ATRX: variants seen among roughly 807,000 people sequenced by gnomAD.
ATRX encodes the protein chromatin remodeler ATRX.
In ATRX, 12 loss-of-function variants were observed where a neutral mutation model predicts 172.6. The observed-to-expected ratio is 0.07, with a 90% CI of 0.04 to 0.11. The LOEUF (loss-of-function observed/expected upper bound fraction) is 0.11, where lower values mean the gene tolerates loss of function less well. Ranked by LOEUF, ATRX falls within the 10% of genes least tolerant of loss-of-function variation. ATRX has a pLI of 1.00. For missense variants in ATRX, 1,368 were observed against 1,767.4 expected, an observed-to-expected ratio of 0.77 and a Z score of 4.05; for synonymous variants, 674 against 594.7, an observed-to-expected ratio of 1.13 and a Z score of -1.94.
chrX:77,722,958 G>A (rs2073850153), intron 1 of ATRX, among the ~76,000 whole-genome samples: 1 of 112,182 alleles, frequency 8.9e-6, no homozygotes, highest in Non-Finnish European at 1.9e-5. Context: ...ATCAGTGATA[G>A]ACTGGATAAA....
At chrX:77,775,555 G>A (rs2076317750) in intron 1 of ATRX, among the ~76,000 whole-genome samples, 1 of 110,447 alleles carries the variant, frequency 9.1e-6, no homozygotes, top group Non-Finnish European at 1.9e-5. Flanking sequence ...ATGGTGGCAT[G>A]CACCTATAGT....
intron 6 of ATRX, among the ~76,000 whole-genome samples, chrX:77,693,164 G>A (rs1453296634): frequency 9.0e-6 from 1 of 111,323 alleles, no homozygotes; most frequent in Non-Finnish European, 1.9e-5. Context: ...TGGTATTACA[G>A]GTGTGAGCCA....
intron 2 of ATRX, among the ~76,000 whole-genome samples, chrX:77,712,454 C>A (rs1009020440): frequency 1.8e-5 from 2 of 112,331 alleles, no homozygotes; most frequent in Non-Finnish European, 3.8e-5. Context: ...ACTATAGTTA[C>A]GTTTCTTTAA....
Position 77,542,968 on chromosome X carries a change from T to C in ATRX, c.6699+14483A>G, listed in dbSNP as rs782256781. Among the ~76,000 whole-genome samples the C allele has an allele frequency of 1.5e-4, 17 of 111,947 alleles. No individual in the cohort carries two copies. In the South Asian group the frequency reaches 1.9e-3, roughly 12 times the overall value. ...AAAGCCAAAATTGATAAATGGGATG[T>C]AATTAAACTAAAGAGCTTCTGCACA... On this transcript the variant is annotated intron_variant, in intron 30 of 34. Coordinates refer to ENST00000373344, the MANE Select transcript of ATRX (RefSeq NM_000489.6).
At chrX:77,545,995 C>T (rs886435440) in intron 30 of ATRX, among the ~76,000 whole-genome samples, 1 of 111,292 alleles carries the variant, frequency 9.0e-6, no homozygotes, top group Non-Finnish European at 1.9e-5. Flanking sequence ...TCCATACCCT[C>T]CCCAATATTA....
intron 10 of ATRX, chrX:77,675,982 G>T (rs2070844931): frequency 3.7e-6 from 1 of 269,543 alleles, no homozygotes; most frequent in South Asian, 5.9e-5. Context: ...AAAATTGACA[G>T]TTCTGTATTT....
In ATRX at chrX:77,671,171, T is replaced by A. The variant is rs868930872; in HGVS notation, c.3809+5055A>T. 6.3e-3 allele frequency among the ~76,000 whole-genome samples: 330 copies of A among 52,589 alleles called. 5 individuals are homozygous for A. Among genetic ancestry groups the A allele is most frequent in the African/African-American group, 0.021 (292 of 13,627 alleles). The allele number at this position is 52,589 out of a possible 115,157, so 45.7% of individuals were successfully genotyped here. ...TCAAAAAAAAAAAAAAAAAAAAATA[T>A]ATATATATATATATATATATATATA... On this transcript the variant is annotated intron_variant, in intron 10 of 34. Transcript: ENST00000373344.
At chrX:77,543,346 T>C (rs2064093086) in intron 30 of ATRX, among the ~76,000 whole-genome samples, 1 of 112,154 alleles carries the variant, frequency 8.9e-6, no homozygotes. Context: ...GGAATGCTTT[T>C]ACACTGTTGG....
chrX:77,646,650 A>AAT (rs1474496187), intron 15 of ATRX, among the ~76,000 whole-genome samples: 1 of 111,842 alleles, frequency 8.9e-6, no homozygotes, highest in Non-Finnish European at 1.9e-5. Flanking sequence ...AGCTGGCCAC[A>AAT]GTGTTTCATG....
At chrX:77,518,950 G>A (rs992103655) in intron 34 of ATRX, among the ~76,000 whole-genome samples, 9 of 111,853 alleles carry the variant, frequency 8.0e-5, no homozygotes, top group Non-Finnish European at 1.5e-4. Context: ...ATATCCATAC[G>A]CAGAACAATG....
intron 19 of ATRX, among the ~76,000 whole-genome samples, chrX:77,630,557 A>C (rs2068061150): frequency 8.9e-6 from 1 of 112,279 alleles, no homozygotes; most frequent in Non-Finnish European, 1.9e-5. Flanking sequence ...TCAATACAAT[A>C]ATATTGAGAG....
At chrX:77,663,613 A>AT (rs2070051895) in intron 11 of ATRX, 55 bp from the exon 12 acceptor site, 1 of 1,066,806 alleles carries the variant, frequency 9.4e-7, no homozygotes, top group Non-Finnish European at 1.3e-6. Flanking sequence ...AATGCCTCGT[A>AT]TATCTATTTT....
chrX:77,505,513 TTC>T lies in ATRX; in HGVS notation c.*2836_*2837del, dbSNP rs1171403809. On this transcript the variant is annotated 3_prime_UTR_variant, in exon 35 of 35. Coordinates refer to ENST00000373344, the MANE Select transcript of ATRX (RefSeq NM_000489.6). ...ACACATGGACTTCCTGGTATGTAAA[TTC>T]TTTTTGAGATGAGAGATCTCCCTTT... The T allele has an allele frequency of 1.2e-5, 2 of 173,186 alleles. No individual in the cohort carries two copies. Among genetic ancestry groups the T allele is most frequent in the African/African-American group, 5.9e-5 (2 of 33,790 alleles). 14.3% of individuals were successfully genotyped at this position (173,186 alleles called of 1,213,427 possible).
intron 15 of ATRX, among the ~76,000 whole-genome samples, chrX:77,636,781 AAGAAGGAAGAAGAAGG>A (rs1204005937): frequency 9.3e-6 from 1 of 108,072 alleles, no homozygotes; most frequent in Non-Finnish European, 1.9e-5. Flanking sequence ...AAAAAGAAGA[AAGAAGGAAGAAGAAGG>A]AGAAGGAAGA....
chrX:77,652,530 G>A (rs1557117637), intron 14 of ATRX, among the ~76,000 whole-genome samples, 177 bp from the exon 15 acceptor site: 4 of 107,951 alleles, frequency 3.7e-5, no homozygotes, highest in South Asian at 8.2e-4. Context: ...GGCCGGGCAC[G>A]GTGGCTCACA....
chrX:77,583,425 G>A (rs1278264825), intron 27 of ATRX, among the ~76,000 whole-genome samples: 2 of 110,748 alleles, frequency 1.8e-5, no homozygotes, highest in Non-Finnish European at 3.8e-5. Flanking sequence ...TCAGGAGGCT[G>A]AAGCAGGAGA....
At chrX:77,513,134 G>A (rs955582918) in intron 34 of ATRX, among the ~76,000 whole-genome samples, 4 of 108,099 alleles carry the variant, frequency 3.7e-5, no homozygotes, top group East Asian at 2.9e-4. Flanking sequence ...TGGTTAACAC[G>A]GTGAAACCCC....
At chrX:77,636,511 G>A (rs782251870) in intron 15 of ATRX, among the ~76,000 whole-genome samples, 2 of 110,965 alleles carry the variant, frequency 1.8e-5, no homozygotes, top group Non-Finnish European at 1.9e-5. Flanking sequence ...CTGCAAAACC[G>A]TGAGTCAATG....
chrX:77,610,984 GT>G (rs1288776907), intron 22 of ATRX, among the ~76,000 whole-genome samples: 4 of 108,194 alleles, frequency 3.7e-5, no homozygotes, highest in Non-Finnish European at 5.7e-5. Flanking sequence ...TAAACACAAT[GT>G]ATATGTATTG....
Sources: allele counts gnomAD v4.1 joint callset (sites outside exome capture counted in the v4.1 genomes callset), GRCh38; gene constraint gnomAD v4.1.1; transcripts MANE v1.5; gene names NCBI Gene and HGNC (gene_info 2026-07-23, HGNC 2026-07-21).